The following C4orf51 variants were observed in gnomAD, a reference collection of about 807,000 sequenced individuals.
C4orf51 encodes the protein uncharacterized protein C4orf51.
In C4orf51, 25 loss-of-function variants were observed where a neutral mutation model predicts 25.2. That is an observed-to-expected ratio of 0.99 (90% CI 0.72 to 1.39). C4orf51 has a LOEUF of 1.39. Among genes scored for constraint, C4orf51 ranks in the 40% most tolerant of loss-of-function variants. The pLI is 0.00. For synonymous variants in C4orf51, 100 were observed against 84.5 expected, an observed-to-expected ratio of 1.18 and a Z score of -1.01; for missense variants, 252 against 239.6, an observed-to-expected ratio of 1.05 and a Z score of -0.34.
intron 2 of C4orf51, among the ~76,000 whole-genome samples, chr4:145,723,767 G>A (rs769876187): frequency 5.3e-5 from 8 of 152,202 alleles, no homozygotes; most frequent in Non-Finnish European, 8.8e-5. Flanking sequence ...ATACATAATA[G>A]CAAATTAGGG....
intron 2 of C4orf51, among the ~76,000 whole-genome samples, chr4:145,718,196 A>G (rs1360740988): frequency 6.6e-6 from 1 of 152,248 alleles, no homozygotes; most frequent in African/African-American, 2.4e-5. Flanking sequence ...AGGAGATGTA[A>G]CATGCACTAC....
chr4:145,784,392 C>T, the C4orf51 span, among the ~76,000 whole-genome samples: 12 of 152,172 alleles, frequency 7.9e-5, no homozygotes, highest in African/African-American at 2.7e-4. Flanking sequence ...TAACTGAAGG[C>T]TCCTCCTATG....
chr4:145,698,747 C>G (rs1041784366), intron 2 of C4orf51, among the ~76,000 whole-genome samples: 16 of 152,154 alleles, frequency 1.1e-4, no homozygotes, highest in African/African-American at 3.6e-4. Context: ...AGGGGAAGCT[C>G]CACCAGTCAG....
Position 145,719,588 on chromosome 4 carries a change from CAAAAAAAAA to C in C4orf51, c.308-7311_308-7303del, listed in dbSNP as rs57272346. 4.5e-3 allele frequency among the ~76,000 whole-genome samples: 407 copies of C among 90,156 alleles called. 3 individuals carry two copies. The highest frequency in any genetic ancestry group is 0.015 in the African/African-American group (369 of 24,814). The allele number at this position is 90,156 out of a possible 152,430, so 59.1% of individuals were successfully genotyped here. A position where few individuals can be genotyped will look rare whatever the true frequency, so the allele number is the denominator to read the frequency against. On this transcript the variant is annotated intron_variant, in intron 2 of 5. Coordinates refer to ENST00000438731, the MANE Select transcript of C4orf51 (RefSeq NM_001080531.3). ...TGGGCAACAGAGTGAGACTCTGTCT[CAAAAAAAAA>C]AAAAAAAAAAAGCAGCATCCTTTGA...
chr4:145,785,827 C>T, the C4orf51 span, among the ~76,000 whole-genome samples: 1 of 152,206 alleles, frequency 6.6e-6, no homozygotes, highest in Non-Finnish European at 1.5e-5. Flanking sequence ...TTCTTCTCTT[C>T]CTGTTCTTTG....
At chr4:145,693,643 C>A (rs1452201809) in intron 1 of C4orf51, among the ~76,000 whole-genome samples, 4 of 105,490 alleles carry the variant, frequency 3.8e-5, no homozygotes, top group Non-Finnish European at 7.7e-5. Flanking sequence ...CCGGACGGGG[C>A]GGCTGGCCGG....
chr4:145,723,830 T>C (rs553393890), intron 2 of C4orf51, among the ~76,000 whole-genome samples: 23 of 152,340 alleles, frequency 1.5e-4, no homozygotes, highest in Middle Eastern at 3.4e-3. Flanking sequence ...TCAAACTTTA[T>C]CATGGGCTCT....
intron 1 of C4orf51, among the ~76,000 whole-genome samples, chr4:145,747,730 CTT>C (rs1200644742): frequency 1.6e-5 from 2 of 128,448 alleles, no homozygotes; most frequent in Non-Finnish European, 3.2e-5. Context: ...TCCTCTCTCT[CTT>C]TCTCTTTTTC....
In C4orf51 at chr4:145,763,191, G is replaced by A; in HGVS notation, n.167-7797G>A. 1 of 1,477,604 alleles carries A rather than the reference G, an allele frequency of 6.8e-7. No homozygotes were observed. Among genetic ancestry groups the A allele is most frequent in the Non-Finnish European group, 9.1e-7 (1 of 1,101,260 alleles). 91.5% of individuals were successfully genotyped at this position (1,477,604 alleles called of 1,614,324 possible). The stretch of plus-strand genomic sequence containing the variant: ...ATTATGAACAGGATATAGAGTACAA[G>A]CAGTTCCATCACAGAAAAGCAATTT... On this transcript the variant is annotated intron_variant and non_coding_transcript_variant, in intron 1 of 1. Transcript: ENST00000510096. The surrounding 1 kb of genome is among the most constrained non-coding windows in gnomAD (Gnocchi z 4.6).
chr4:145,744,170 T>C (rs1176021011), intron 1 of C4orf51, among the ~76,000 whole-genome samples: 1 of 151,890 alleles, frequency 6.6e-6, no homozygotes. Context: ...AGGGAGACAT[T>C]GATCATGGTT....
the C4orf51 span, among the ~76,000 whole-genome samples, chr4:145,776,634 T>C: frequency 2.0e-5 from 3 of 151,994 alleles, no homozygotes; most frequent in Non-Finnish European, 2.9e-5. Context: ...GTGTACCCCA[T>C]GTGTCAGTCA....
chr4:145,731,455 C>T (rs1240297023), intron 5 of C4orf51, among the ~76,000 whole-genome samples: 1 of 151,278 alleles, frequency 6.6e-6, no homozygotes, highest in Non-Finnish European at 1.5e-5. Context: ...TGCAGGTGCA[C>T]ACACACACAC....
chr4:145,729,556 CT>C (rs1485833484), intron 4 of C4orf51, among the ~76,000 whole-genome samples: 1 of 152,160 alleles, frequency 6.6e-6, no homozygotes, highest in East Asian at 1.9e-4. Context: ...CCTCCTTGGC[CT>C]CCCAAAGTGC....
At chr4:145,729,578 G>A (rs1027668754) in intron 4 of C4orf51, among the ~76,000 whole-genome samples, 2 of 152,128 alleles carry the variant, frequency 1.3e-5, no homozygotes, top group African/African-American at 2.4e-5. Context: ...TGGGATTACA[G>A]GCGTGAGCCA....
At chr4:145,779,554 G>A in the C4orf51 span, 6 of 1,597,454 alleles carry the variant, frequency 3.8e-6, no homozygotes, top group Non-Finnish European at 5.1e-6. Context: ...AAGGCAACAA[G>A]AATACATTTT....
At chr4:145,750,350 A>G (rs767169270) in intron 1 of C4orf51, among the ~76,000 whole-genome samples, 1 of 150,560 alleles carries the variant, frequency 6.6e-6, no homozygotes. Context: ...TCTGGGAAAA[A>G]TCTTTATTTC....
At chr4:145,741,975 A>G (rs571903272) in intron 1 of C4orf51, among the ~76,000 whole-genome samples, 1 of 152,302 alleles carries the variant, frequency 6.6e-6, no homozygotes, top group South Asian at 2.1e-4. Flanking sequence ...TGCTGAGATT[A>G]CAGACATGAG....
chr4:145,748,187 T>G (rs1385199596), intron 1 of C4orf51, among the ~76,000 whole-genome samples: 3 of 152,164 alleles, frequency 2.0e-5, no homozygotes, highest in African/African-American at 7.2e-5. Flanking sequence ...TAGTTGCTCA[T>G]AATAGCAACT....
intron 1 of C4orf51, among the ~76,000 whole-genome samples, chr4:145,695,581 C>T (rs755088251): frequency 6.6e-6 from 1 of 152,132 alleles, no homozygotes; most frequent in African/African-American, 2.4e-5. Context: ...TGTTTCTTTG[C>T]TGTGCAGAAG....
Sources: gnomAD v4.1 joint callset for allele counts (sites outside exome capture counted in the v4.1 genomes callset) on GRCh38, gnomAD v4.1.1 for gene constraint, Gnocchi (gnomAD v3.1) non-coding constraint, MANE v1.5 for transcripts, NCBI Gene and HGNC (gene_info 2026-07-23, HGNC 2026-07-21) for gene names.